The following ZBTB7C variants were observed in gnomAD, a reference collection of about 807,000 sequenced individuals.
ZBTB7C encodes zinc finger and BTB domain containing 7C.
Under a neutral mutation model 25.7 loss-of-function variants are expected in ZBTB7C, and 8 were observed. That is an observed-to-expected ratio of 0.31 (90% CI 0.18 to 0.56). ZBTB7C has a LOEUF of 0.56. Among genes scored for constraint, ZBTB7C ranks in the 20% least tolerant of loss-of-function variants. The probability of loss-of-function intolerance (pLI) is 0.91; values close to 1 mark genes in which losing one functional copy is unlikely to be tolerated. For synonymous variants in ZBTB7C, 394 were observed against 369.0 expected (o/e 1.07, Z -0.78); for missense variants, 824 against 855.2 (o/e 0.96, Z 0.46).
intron 2 of ZBTB7C, among the ~76,000 whole-genome samples, chr18:48,249,517 C>A (rs1018191323): frequency 3.3e-5 from 5 of 152,088 alleles, no homozygotes; most frequent in African/African-American, 1.2e-4. Context: ...TAGGCATATA[C>A]CACAGACAAC....
chr18:48,123,020 C>G (rs1432576585), intron 3 of ZBTB7C, among the ~76,000 whole-genome samples: 3 of 152,166 alleles, frequency 2.0e-5, no homozygotes, highest in African/African-American at 7.2e-5. Flanking sequence ...CCTTGGGGCT[C>G]TGTCTGGAGG....
intron 1 of ZBTB7C, among the ~76,000 whole-genome samples, chr18:48,377,160 C>G (rs879883916): frequency 1.2e-4 from 19 of 152,318 alleles, no homozygotes; most frequent in African/African-American, 2.6e-4. Context: ...ACTCCACCCC[C>G]CAACAGAGCA....
At chr18:48,253,677 C>G (rs148687273) in intron 2 of ZBTB7C, among the ~76,000 whole-genome samples, 1 of 152,238 alleles carries the variant, frequency 6.6e-6, no homozygotes, top group East Asian at 1.9e-4. Flanking sequence ...GAGGGCTCCC[C>G]TCAAGTAATC....
chr18:48,066,233 C>T (rs921639669), intron 3 of ZBTB7C, among the ~76,000 whole-genome samples: 10 of 152,212 alleles, frequency 6.6e-5, no homozygotes, highest in African/African-American at 2.4e-4. Context: ...GTCTCTAGAG[C>T]CCCTATCTGC....
intron 2 of ZBTB7C, among the ~76,000 whole-genome samples, chr18:48,306,069 A>T (rs943899495): frequency 6.6e-6 from 1 of 152,256 alleles, no homozygotes; most frequent in African/African-American, 2.4e-5. Context: ...GTGAACAAAC[A>T]TTAGTTCCAA....
intron 1 of ZBTB7C, among the ~76,000 whole-genome samples, chr18:48,408,838 G>T (rs1015687550): frequency 2.6e-5 from 4 of 151,428 alleles, no homozygotes; most frequent in Admixed American, 2.6e-4. Context: ...AGCCCCGCGC[G>T]CCACTTCGCT....
intron 3 of ZBTB7C, among the ~76,000 whole-genome samples, chr18:48,135,323 T>C (rs1180048806): frequency 6.6e-6 from 1 of 152,104 alleles, no homozygotes; most frequent in African/African-American, 2.4e-5. Flanking sequence ...CACATACTAT[T>C]TTCTGTTGTA....
chr18:48,347,376 T>C (rs547215007), intron 1 of ZBTB7C, among the ~76,000 whole-genome samples: 2 of 152,262 alleles, frequency 1.3e-5, no homozygotes, highest in East Asian at 3.9e-4. Context: ...GCCTGTTGCT[T>C]TTTCCCATAA....
chr18:48,402,389 T>A (rs980925015), intron 1 of ZBTB7C, among the ~76,000 whole-genome samples: 13 of 152,228 alleles, frequency 8.5e-5, no homozygotes, highest in African/African-American at 3.1e-4. Flanking sequence ...AGGAACACGA[T>A]GACTTAGTAA....
intron 3 of ZBTB7C, among the ~76,000 whole-genome samples, chr18:48,106,252 T>C (rs2039022449): frequency 1.3e-5 from 2 of 152,106 alleles, no homozygotes; most frequent in Admixed American, 1.3e-4. Flanking sequence ...GCATCTCATC[T>C]TCAGCAAGCC....
intron 2 of ZBTB7C, among the ~76,000 whole-genome samples, chr18:48,283,540 T>G (rs1412868799): frequency 6.6e-6 from 1 of 152,212 alleles, no homozygotes; most frequent in African/African-American, 2.4e-5. Context: ...GTAATGCACA[T>G]GGCTTAGGGC....
rs1187830776 is a variant in ZBTB7C at position 48,227,019 on chromosome 18, CAAAAAAAA to C, written c.-78-41032_-78-41025del. Among the ~76,000 whole-genome samples, 519 of 56,156 alleles carry C rather than the reference CAAAAAAAA, an allele frequency of 9.2e-3. 3 individuals are homozygous for C. The highest frequency in any genetic ancestry group is 0.029 in the African/African-American group (492 of 17,052). The allele number at this position is 56,156 out of a possible 152,430, so 36.8% of individuals were successfully genotyped here. On this transcript the variant is annotated intron_variant, in intron 2 of 4. Coordinates refer to ENST00000590800, the MANE Select transcript of ZBTB7C (RefSeq NM_001318841.2). The stretch of plus-strand genomic sequence containing the variant: ...TGGGCAATAGAGTGAGACTCCATCT[CAAAAAAAA>C]AAAAAAAAAAAGAAAAAGAAAAAGA...
chr18:48,222,501 T>A (rs191742667), intron 2 of ZBTB7C, among the ~76,000 whole-genome samples: 1 of 152,190 alleles, frequency 6.6e-6, no homozygotes, highest in African/African-American at 2.4e-5. Flanking sequence ...ATTCTCTCCC[T>A]CTATACTGTC....
intron 2 of ZBTB7C, among the ~76,000 whole-genome samples, chr18:48,189,571 A>T (rs1437220438): frequency 1.3e-5 from 2 of 152,124 alleles, no homozygotes; most frequent in Admixed American, 6.5e-5. Context: ...CAATTTTAGG[A>T]ATGTGAAATT....
At chr18:48,046,599 C>CTT (rs1450279019) in intron 3 of ZBTB7C, among the ~76,000 whole-genome samples, 1 of 152,220 alleles carries the variant, frequency 6.6e-6, no homozygotes, top group East Asian at 1.9e-4. Context: ...ATTCCTTAAA[C>CTT]TTTACTCTGC....
intron 2 of ZBTB7C, among the ~76,000 whole-genome samples, chr18:48,285,975 C>T (rs906802209): frequency 6.6e-6 from 1 of 152,144 alleles, no homozygotes; most frequent in Non-Finnish European, 1.5e-5. Flanking sequence ...ATGCCATTGG[C>T]TTCCCAAACA....
intron 2 of ZBTB7C, among the ~76,000 whole-genome samples, chr18:48,334,243 G>A (rs1336334927): frequency 3.3e-5 from 5 of 152,130 alleles, no homozygotes; most frequent in African/African-American, 9.7e-5. Flanking sequence ...AAGATGTCAG[G>A]GAAACCTACT....
intron 1 of ZBTB7C, among the ~76,000 whole-genome samples, chr18:48,359,241 C>A (rs1427740806): frequency 2.0e-5 from 3 of 152,178 alleles, no homozygotes; most frequent in African/African-American, 7.2e-5. Context: ...GGGGCCTGGC[C>A]TTCCTCCATC....
At chr18:48,155,163 T>G (rs1382160449) in intron 3 of ZBTB7C, among the ~76,000 whole-genome samples, 1 of 152,094 alleles carries the variant, frequency 6.6e-6, no homozygotes, top group Non-Finnish European at 1.5e-5. Context: ...CCCAAGGAAG[T>G]GTGCTGGGGT....
Sources: gnomAD v4.1 joint callset for allele counts (sites outside exome capture counted in the v4.1 genomes callset) on GRCh38, gnomAD v4.1.1 for gene constraint, MANE v1.5 for transcripts, NCBI Gene and HGNC (gene_info 2026-07-23, HGNC 2026-07-21) for gene names.